The following SGCD variants were observed in gnomAD, a reference collection of about 807,000 sequenced individuals.
The protein encoded by SGCD is delta-sarcoglycan.
SGCD carries 18 observed loss-of-function variants against 36.6 expected under a neutral mutation model. That is an observed-to-expected ratio of 0.49 (90% CI 0.34 to 0.73). The LOEUF (loss-of-function observed/expected upper bound fraction) is 0.73, where lower values mean the gene tolerates loss of function less well. Ranked by LOEUF, SGCD falls within the 30% of genes least tolerant of loss-of-function variation. SGCD has a pLI of 0.01. For missense variants in SGCD, 387 were observed against 346.7 expected (o/e 1.12, Z -0.92); for synonymous variants, 133 against 130.6 (o/e 1.02, Z -0.12).
chr5:156,447,061 G>A (rs781097436), intron 3 of SGCD, among the ~76,000 whole-genome samples: 3 of 152,150 alleles, frequency 2.0e-5, no homozygotes, highest in Non-Finnish European at 2.9e-5. Context: ...AACAGATCTA[G>A]ACAGGATTCT....
chr5:156,415,553 C>T (rs1465877088), intron 3 of SGCD, among the ~76,000 whole-genome samples: 2 of 152,178 alleles, frequency 1.3e-5, no homozygotes, highest in Admixed American at 1.3e-4. Flanking sequence ...GCAAGGTTCA[C>T]ATCCTTGACT....
intron 4 of SGCD, among the ~76,000 whole-genome samples, chr5:156,530,311 A>T (rs1757834000): frequency 6.6e-6 from 1 of 152,238 alleles, no homozygotes; most frequent in Non-Finnish European, 1.5e-5. Context: ...TTATGGAAAG[A>T]TTAATTATCC....
chr5:156,223,438 A>T (rs1482193170), intron 3 of SGCD, among the ~76,000 whole-genome samples: 2 of 152,120 alleles, frequency 1.3e-5, no homozygotes, highest in African/African-American at 4.8e-5. Context: ...AGCTGAGTTA[A>T]CTGATTTACA....
At chr5:156,417,425 G>T (rs1773103865) in intron 3 of SGCD, among the ~76,000 whole-genome samples, 1 of 152,136 alleles carries the variant, frequency 6.6e-6, no homozygotes, top group Non-Finnish European at 1.5e-5. Context: ...TAAAGCAAAT[G>T]AATTAAAGTT....
intron 3 of SGCD, among the ~76,000 whole-genome samples, chr5:156,224,509 A>G (rs1264414978): frequency 1.3e-5 from 2 of 152,152 alleles, no homozygotes; most frequent in Admixed American, 1.3e-4. Flanking sequence ...CTCTAAAGAG[A>G]TTTGTTTCCA....
At position 156,165,355 on chromosome 5, in the gene SGCD, GA is replaced by G. The variant is rs934259480; in HGVS notation, c.-44+41344del. ...TGTGAAATCAAAACTTTTAAAAAAT[GA>G]AAAAAAAGTAAAAAGGTCTAAGAGA... is the stretch of plus-strand genomic sequence containing the variant. On this transcript the variant is annotated intron_variant, in intron 3 of 9. Transcript: ENST00000517913. Among the ~76,000 whole-genome samples the G allele has an allele frequency of 4.6e-5, 7 of 151,540 alleles. No individual in the cohort carries two copies. In the East Asian group the frequency reaches 5.8e-4, roughly 13 times the overall value.
chr5:156,185,607 A>T (rs1402616018), intron 3 of SGCD, among the ~76,000 whole-genome samples: 2 of 151,584 alleles, frequency 1.3e-5, no homozygotes, highest in African/African-American at 4.8e-5. Context: ...GAAAGACTAC[A>T]GTTAGTTGTC....
intron 3 of SGCD, among the ~76,000 whole-genome samples, chr5:156,486,376 C>T (rs187891074): frequency 3.4e-4 from 52 of 152,244 alleles, no homozygotes; most frequent in South Asian, 2.1e-4. Flanking sequence ...GAACTGACTG[C>T]CTGAAGCCAG....
At chr5:156,072,102 T>G (rs2127588204) in intron 1 of SGCD, among the ~76,000 whole-genome samples, 1 of 152,292 alleles carries the variant, frequency 6.6e-6, no homozygotes, top group South Asian at 2.1e-4. Flanking sequence ...AGTCTGTGTC[T>G]TTTAATTGGA....
chr5:155,730,731 G>A, the SGCD span, among the ~76,000 whole-genome samples: 3 of 152,170 alleles, frequency 2.0e-5, no homozygotes, highest in East Asian at 5.8e-4. Flanking sequence ...CTCTGCTGTT[G>A]ACGCTTGCCC....
intron 4 of SGCD, among the ~76,000 whole-genome samples, chr5:156,562,611 C>A (rs566471871): frequency 2.0e-5 from 3 of 151,956 alleles, no homozygotes; most frequent in Non-Finnish European, 4.4e-5. Context: ...GGAGAGGAAA[C>A]GCAGTATTTG....
intron 1 of SGCD, among the ~76,000 whole-genome samples, chr5:156,001,505 A>G (rs1320406730): frequency 6.6e-6 from 1 of 152,238 alleles, no homozygotes; most frequent in African/African-American, 2.4e-5. Flanking sequence ...TTGGGTCTGA[A>G]TAGCATGTCT....
intron 3 of SGCD, among the ~76,000 whole-genome samples, chr5:156,154,294 A>C (rs1350440359): frequency 6.6e-6 from 1 of 151,682 alleles, no homozygotes; most frequent in East Asian, 1.9e-4. Flanking sequence ...AGATTTGAAC[A>C]GTGGCCTTTC....
intron 6 of SGCD, among the ~76,000 whole-genome samples, chr5:156,612,316 G>A (rs749785289): frequency 1.3e-5 from 2 of 152,216 alleles, no homozygotes; most frequent in Non-Finnish European, 2.9e-5. Context: ...CATAGCCTCT[G>A]TGCAGTTTCT....
At chr5:156,496,833 AT>A (rs1223361796) in intron 3 of SGCD, among the ~76,000 whole-genome samples, 1 of 152,098 alleles carries the variant, frequency 6.6e-6, no homozygotes, top group African/African-American at 2.4e-5. Context: ...TGTCATCTGT[AT>A]CCCTGAGTGA....
intron 3 of SGCD, among the ~76,000 whole-genome samples, chr5:156,231,414 T>G (rs565777986): frequency 2.6e-5 from 4 of 152,252 alleles, no homozygotes; most frequent in Admixed American, 6.5e-5. Context: ...CACGTGCTTG[T>G]AATTCCAGCT....
At chr5:156,591,571 C>G (rs913363117) in intron 5 of SGCD, among the ~76,000 whole-genome samples, 7 of 152,140 alleles carry the variant, frequency 4.6e-5, no homozygotes, top group South Asian at 2.1e-4. Flanking sequence ...TGAAGGCCAC[C>G]AGGCCTTTGC....
chr5:155,944,991 T>C (rs1429849521), intron 1 of SGCD, among the ~76,000 whole-genome samples: 1 of 150,648 alleles, frequency 6.6e-6, no homozygotes, highest in Non-Finnish European at 1.5e-5. Flanking sequence ...ATACCGAGAG[T>C]TTTTCTAGAT....
At chr5:156,466,415 G>A (rs1051886444) in intron 3 of SGCD, among the ~76,000 whole-genome samples, 5 of 152,130 alleles carry the variant, frequency 3.3e-5, no homozygotes, top group African/African-American at 9.6e-5. Context: ...GACGACTATC[G>A]GGCGTTCAAT....
Sources: gnomAD v4.1 joint callset for allele counts (sites outside exome capture counted in the v4.1 genomes callset) on GRCh38, gnomAD v4.1.1 for gene constraint, MANE v1.5 for transcripts, NCBI Gene and HGNC (gene_info 2026-07-23, HGNC 2026-07-21) for gene names.